The following TEK variants were observed in gnomAD, a reference collection of about 807,000 sequenced individuals.
TEK encodes the protein angiopoietin-1 receptor.
Under a neutral mutation model 131.8 loss-of-function variants are expected in TEK, and 43 were observed. That is an observed-to-expected ratio of 0.33 (90% CI 0.26 to 0.42). The LOEUF (loss-of-function observed/expected upper bound fraction) is 0.42. Among genes scored for constraint, TEK ranks in the 10% least tolerant of loss-of-function variants. The pLI is 1.00. For synonymous variants in TEK, 580 were observed against 491.6 expected (o/e 1.18, Z -2.38); for missense variants, 1,162 against 1,384.4 (o/e 0.84, Z 2.55).
At chr9:27,131,548 C>T (rs993286956) in intron 1 of TEK, among the ~76,000 whole-genome samples, 4 of 149,660 alleles carry the variant, frequency 2.7e-5, no homozygotes, top group East Asian at 3.9e-4. Flanking sequence ...TTTGGCCAGG[C>T]GTGGTAGCTC....
chr9:27,119,955 T>TATA (rs1821719660), intron 1 of TEK, among the ~76,000 whole-genome samples: 13 of 152,274 alleles, frequency 8.5e-5, no homozygotes, highest in African/African-American at 3.1e-4. Flanking sequence ...TCTCCCCCCA[T>TATA]TTCAGCACAT....
intron 10 of TEK, chr9:27,191,909 G>A (rs995973210): frequency 1.5e-5 from 7 of 454,484 alleles, no homozygotes; most frequent in Non-Finnish European, 3.1e-5. Flanking sequence ...ATATGATAAG[G>A]CAGAAATTTA....
At position 27,220,091 on chromosome 9, in the gene TEK, A is replaced by C. The variant is rs2081718354; in HGVS notation, c.3146A>C (p.Glu1049Ala). 6.2e-7 allele frequency: 1 copy of C among 1,613,982 alleles called. No individual in the cohort carries two copies. The highest frequency in any genetic ancestry group is 1.3e-5 in the African/African-American group (1 of 74,920). Residue 1049 changes from glutamate to alanine, a missense_variant, in exon 21 of 23, where the codon GAG becomes GCG. Around this residue, in one of 6 missense-constraint regions of TEK, gnomAD observed 107 missense variants for 173.9 expected, o/e 0.62. Coordinates refer to ENST00000380036, the MANE Select transcript of TEK (RefSeq NM_000459.5). Reference sequence around the variant, plus strand: ...GGGATGACTTGTGCAGAACTCTACGAGAAGCTGCCCCAGGGCTACAGACTG... The same window carrying C: ...GGGATGACTTGTGCAGAACTCTACGCGAAGCTGCCCCAGGGCTACAGACTG... ...YCGMTCAELY[E>A]KLPQGYRLEK... is the part of the protein sequence containing the mutation.
intron 4 of TEK, 65 bp from the exon 5 acceptor site, chr9:27,172,551 G>A (rs1564075178): frequency 6.2e-7 from 1 of 1,603,010 alleles, no homozygotes; most frequent in South Asian, 1.1e-5. Context: ...CACAGTAGGT[G>A]CTCAATAAAG....
chr9:27,184,171 G>A (rs1824505610), intron 8 of TEK, among the ~76,000 whole-genome samples: 1 of 152,040 alleles, frequency 6.6e-6, no homozygotes, highest in African/African-American at 2.4e-5. Flanking sequence ...GCATTCATTG[G>A]GTTTCTACCC....
intron 9 of TEK, 149 bp from the exon 10 acceptor site, chr9:27,190,380 C>CTTAGAG (rs1300441938): frequency 4.6e-6 from 4 of 876,726 alleles, no homozygotes; most frequent in Non-Finnish European, 3.6e-6. Flanking sequence ...AAGCAGAGAG[C>CTTAGAG]TTAGAGAGCA....
At chr9:27,171,214 G>T (rs973274981) in intron 4 of TEK, among the ~76,000 whole-genome samples, 10 of 152,194 alleles carry the variant, frequency 6.6e-5, no homozygotes, top group South Asian at 2.1e-4. Flanking sequence ...GAAAGAAAAT[G>T]ATTTGCCCTG....
chr9:27,172,267 TC>T (rs919029633), intron 4 of TEK, among the ~76,000 whole-genome samples: 39 of 152,184 alleles, frequency 2.6e-4, no homozygotes, highest in African/African-American at 9.4e-4. Context: ...TGCCATGCTG[TC>T]TTCCCATGCC....
chr9:27,134,029 G>C (rs1485602379), intron 1 of TEK, among the ~76,000 whole-genome samples: 1 of 152,178 alleles, frequency 6.6e-6, no homozygotes, highest in Non-Finnish European at 1.5e-5. Flanking sequence ...AAGTTGACTT[G>C]TATTTTCCAC....
intron 21 of TEK, among the ~76,000 whole-genome samples, chr9:27,225,731 A>ACAAATG (rs1826297001): frequency 6.6e-6 from 1 of 152,222 alleles, no homozygotes; most frequent in African/African-American, 2.4e-5. Flanking sequence ...GCCAAAATTG[A>ACAAATG]CAAATGGGAT....
chr9:27,182,436 T>C (rs1824415445), intron 7 of TEK, among the ~76,000 whole-genome samples: 1 of 152,156 alleles, frequency 6.6e-6, no homozygotes, highest in Non-Finnish European at 1.5e-5. Context: ...CTTTCCAAGT[T>C]TACAGATATA....
chr9:27,223,094 C>T (rs1672084722), intron 21 of TEK, among the ~76,000 whole-genome samples: 1 of 152,154 alleles, frequency 6.6e-6, no homozygotes, highest in African/African-American at 2.4e-5. Context: ...AATATATATG[C>T]ACCCAATGCA....
intron 13 of TEK, among the ~76,000 whole-genome samples, chr9:27,203,801 C>T (rs10967767): frequency 0.25 from 37,875 of 152,106 alleles, 4,919 homozygotes; most frequent in Admixed American, 0.33. Context: ...GATGGAGGCA[C>T]GTTAGAGGCA....
At chr9:27,144,069 G>C (rs1462437967) in intron 1 of TEK, among the ~76,000 whole-genome samples, 1 of 152,186 alleles carries the variant, frequency 6.6e-6, no homozygotes, top group Non-Finnish European at 1.5e-5. Flanking sequence ...AGAACACGAG[G>C]TCAAGAGATC....
intron 11 of TEK, chr9:27,195,615 A>T (rs1402874749): frequency 2.2e-6 from 1 of 455,608 alleles, no homozygotes; most frequent in Non-Finnish European, 4.4e-6. Context: ...TCATATCTGG[A>T]ATTTAAAAAT....
At chr9:27,211,004 C>T (rs1419195224) in intron 16 of TEK, among the ~76,000 whole-genome samples, 1 of 151,974 alleles carries the variant, frequency 6.6e-6, no homozygotes, top group Admixed American at 6.6e-5. Flanking sequence ...TGCCTGTAGT[C>T]CCAGCTACTC....
chr9:27,119,163 C>T (rs1218495858), intron 1 of TEK, among the ~76,000 whole-genome samples: 3 of 152,078 alleles, frequency 2.0e-5, no homozygotes, highest in Non-Finnish European at 4.4e-5. Flanking sequence ...ATGATGGAGA[C>T]AAGAGTTACA....
At chr9:27,132,885 G>C (rs1383939414) in intron 1 of TEK, among the ~76,000 whole-genome samples, 1 of 152,116 alleles carries the variant, frequency 6.6e-6, no homozygotes, top group African/African-American at 2.4e-5. Flanking sequence ...GAAATAGAGA[G>C]ATGACAGAGA....
chr9:27,209,005 T>C lies in TEK; in HGVS notation c.2576-116T>C, dbSNP rs140695723. The C allele has an allele frequency of 4.5e-4, 330 of 727,294 alleles. No individual in the cohort carries two copies. In the African/African-American group the frequency reaches 5.2e-3, roughly 11 times the overall value. The allele number at this position is 727,294 out of a possible 1,614,324, so 45.1% of individuals were successfully genotyped here. On this transcript the variant is annotated intron_variant, in intron 15 of 22. Coordinates refer to ENST00000380036, the MANE Select transcript of TEK (RefSeq NM_000459.5). ...CTCTACTTTAGAGTAATCTCTTTGG[T>C]TGTATACAGTTGATGGTGACTGAGG...
Sources: allele counts gnomAD v4.1 joint callset (sites outside exome capture counted in the v4.1 genomes callset), GRCh38; gene constraint gnomAD v4.1.1; regional missense constraint gnomAD v4.1.1; transcripts MANE v1.5; gene names NCBI Gene and HGNC (gene_info 2026-07-23, HGNC 2026-07-21).